KIF2A: variants seen among roughly 807,000 people sequenced by gnomAD.
The protein encoded by KIF2A is kinesin family member 2A.
KIF2A carries 22 observed loss-of-function variants against 100.2 expected under a neutral mutation model. The observed-to-expected ratio is 0.22, with a 90% confidence interval of 0.16 to 0.31. KIF2A has a LOEUF of 0.31. KIF2A is among the 10% of genes least tolerant of loss of function. The pLI is 1.00. For synonymous variants in KIF2A, 268 were observed against 285.9 expected (o/e 0.94, Z 0.63); for missense variants, 495 against 898.7 (o/e 0.55, Z 5.74).
chr5:62,321,885 T>A (rs1746107755), intron 1 of KIF2A, among the ~76,000 whole-genome samples: 1 of 152,246 alleles, frequency 6.6e-6, no homozygotes, highest in South Asian at 2.1e-4. Context: ...TGGAGAAAGA[T>A]CTGTTCAAAT....
rs762620321 is a variant in KIF2A, at chr5:62,352,567, A to AT, written c.335-9dup. 0.015 allele frequency: 16,176 copies of AT among 1,058,038 alleles called. 1 individual carries two copies. Among genetic ancestry groups the AT allele is most frequent in the South Asian group, 0.023 (1,244 of 54,206 alleles). 65.5% of individuals were successfully genotyped at this position (1,058,038 alleles called of 1,614,324 possible). A position where few individuals can be genotyped will look rare whatever the true frequency, so the allele number is the denominator to read the frequency against. On this transcript the variant is annotated intron_variant, in intron 4 of 20. Coordinates refer to ENST00000407818, the MANE Select transcript of KIF2A (RefSeq NM_001098511.3). The stretch of plus-strand genomic sequence containing the variant: ...ACTAATTTTCTATCCTGAATTTAAA[A>AT]TTTTTTTTTTTTACTTACAGTGGTT...
At chr5:62,368,977 T>C (rs114019167) in intron 16 of KIF2A, among the ~76,000 whole-genome samples, 137 of 152,310 alleles carry the variant, frequency 9.0e-4, no homozygotes, top group African/African-American at 3.1e-3. Flanking sequence ...AGAATAATTC[T>C]TGAGAAAGAT....
In KIF2A at chr5:62,386,745, G is replaced by T. The variant is rs1190892436; in HGVS notation, c.*1176G>T. Among the ~76,000 whole-genome samples, 1 of 152,146 alleles carries T rather than the reference G, an allele frequency of 6.6e-6. No individual in the cohort carries two copies. Among genetic ancestry groups the T allele is most frequent in the African/African-American group, 2.4e-5 (1 of 41,440 alleles). On this transcript the variant is annotated 3_prime_UTR_variant, in exon 21 of 21. Transcript: ENST00000407818. ...ACTTCATTGTTGTTTGGTGAGAATC[G>T]CCAAATTCTCACTAATACATTGGTA...
Position 62,388,004 on chromosome 5 carries a change from ACT to A in KIF2A, c.*2438_*2439del, listed in dbSNP as rs1485751145. The A allele has an allele frequency of 1.3e-5, 2 of 152,082 alleles. No individual in the cohort carries two copies. Among genetic ancestry groups the A allele is most frequent in the Non-Finnish European group, 2.9e-5 (2 of 68,000 alleles). The allele number at this position is 152,082 out of a possible 1,614,324, so 9.4% of individuals were successfully genotyped here. On this transcript the variant is annotated 3_prime_UTR_variant, in exon 21 of 21. Transcript: ENST00000407818. The stretch of plus-strand genomic sequence containing the variant: ...TTATAGAAACAAAATAGCTACTATA[ACT>A]CTATTATAGTATATTAACAGCACTT...
intron 1 of KIF2A, among the ~76,000 whole-genome samples, chr5:62,313,434 C>T (rs1245710402): frequency 6.6e-6 from 1 of 152,024 alleles, no homozygotes; most frequent in Non-Finnish European, 1.5e-5. Context: ...CTCACTGCAA[C>T]CTCTGCCTCT....
intron 1 of KIF2A, among the ~76,000 whole-genome samples, chr5:62,342,898 G>A (rs1192802066): frequency 7.2e-5 from 11 of 151,806 alleles, no homozygotes; most frequent in South Asian, 2.1e-4. Flanking sequence ...GATTACAGGC[G>A]CCCACCACCA....
intron 1 of KIF2A, among the ~76,000 whole-genome samples, chr5:62,336,316 T>C (rs1746943427): frequency 6.6e-6 from 1 of 152,212 alleles, no homozygotes; most frequent in South Asian, 2.1e-4. Context: ...TAAATGCCGC[T>C]GATTTGCTCC....
chr5:62,344,168 AC>A (rs1747434997), intron 1 of KIF2A, among the ~76,000 whole-genome samples: 1 of 152,032 alleles, frequency 6.6e-6, no homozygotes, highest in Non-Finnish European at 1.5e-5. Context: ...ACATGGTGAA[AC>A]CCTGTCTCTA....
chr5:62,346,060 A>ATAC (rs1354835187), intron 1 of KIF2A, among the ~76,000 whole-genome samples: 6 of 152,254 alleles, frequency 3.9e-5, no homozygotes, highest in African/African-American at 1.2e-4. Flanking sequence ...AATAATAATA[A>ATAC]TAAATGGCAC....
rs556512215 is a variant in KIF2A at position 62,328,688 on chromosome 5, T to C, written c.65-18442T>C. Among the ~76,000 whole-genome samples the C allele has an allele frequency of 5.3e-5, 8 of 151,974 alleles. No individual in the cohort carries two copies. The East Asian group carries it at 1.6e-3, about 30-fold the overall frequency. The stretch of plus-strand genomic sequence containing the variant: ...GTGTTTTTAGTAGAGACGGGGTTTC[T>C]CCATTTTGGGTCAGGGTGGTCTCAA... On this transcript the variant is annotated intron_variant, in intron 1 of 20. Coordinates refer to ENST00000407818, the MANE Select transcript of KIF2A (RefSeq NM_001098511.3).
At position 62,306,380 on chromosome 5, in the gene KIF2A, G is replaced by A. The variant is rs1235677990; in HGVS notation, c.-93G>A. ...CGGGCCGGCGCGGCCGCGGGCAACCGCTCCCCCTCCCACACCTACCCCGCC... is the reference window on the plus strand; with the variant it reads ...CGGGCCGGCGCGGCCGCGGGCAACCACTCCCCCTCCCACACCTACCCCGCC... On this transcript the variant is annotated 5_prime_UTR_variant, in exon 1 of 21. Coordinates refer to ENST00000407818, the MANE Select transcript of KIF2A (RefSeq NM_001098511.3). The A allele has an allele frequency of 7.2e-6, 7 of 976,100 alleles. No homozygotes were observed. In the African/African-American group the frequency reaches 8.5e-5, roughly 12 times the overall value. The allele number at this position is 976,100 out of a possible 1,614,324, so 60.5% of individuals were successfully genotyped here.
chr5:62,347,280 AAAAC>A, intron 2 of KIF2A, 56 bp downstream of exon 2: 2 of 900,644 alleles, frequency 2.2e-6, no homozygotes, highest in Non-Finnish European at 3.5e-6. Flanking sequence ...TTCTGAATAT[AAAAC>A]AAAACAGAAA....
chr5:62,368,014 T>C (rs548872479), intron 16 of KIF2A, among the ~76,000 whole-genome samples: 2 of 152,332 alleles, frequency 1.3e-5, no homozygotes, highest in South Asian at 2.1e-4. Context: ...TATTTTTTAA[T>C]CTTTTATTAA....
intron 1 of KIF2A, among the ~76,000 whole-genome samples, chr5:62,316,244 A>G (rs1745814508): frequency 1.3e-5 from 2 of 152,248 alleles, no homozygotes; most frequent in Admixed American, 1.3e-4. Flanking sequence ...ACTGAGCTGT[A>G]GTGTGTTAGC....
In KIF2A at chr5:62,390,315, C is replaced by T. The variant is rs1742244916; in HGVS notation, c.*4746C>T. 6.6e-6 allele frequency among the ~76,000 whole-genome samples: 1 copy of T among 152,172 alleles called. No individual in the cohort carries two copies. The highest frequency in any genetic ancestry group is 2.4e-5 in the African/African-American group (1 of 41,426). Reference sequence around the variant, plus strand: ...TAATTCAAGCAAAACAAATTTTGGTCTAAATTACCTAGATAATTATGACAG... The same window carrying T: ...TAATTCAAGCAAAACAAATTTTGGTTTAAATTACCTAGATAATTATGACAG... On this transcript the variant is annotated 3_prime_UTR_variant, in exon 21 of 21. Transcript: ENST00000407818.
intron 19 of KIF2A, among the ~76,000 whole-genome samples, chr5:62,379,222 T>G (rs2112001800): frequency 6.6e-6 from 1 of 152,350 alleles, no homozygotes; most frequent in Admixed American, 6.5e-5. Flanking sequence ...CAGCTGTTTA[T>G]TGGTAAAATT....
chr5:62,376,736 T>TTTTTG (rs772447857), intron 18 of KIF2A, among the ~76,000 whole-genome samples: 30 of 152,104 alleles, frequency 2.0e-4, no homozygotes, highest in South Asian at 4.2e-4. Context: ...TTTTTTTTGT[T>TTTTTG]TTTTGTTTTG....
In KIF2A at chr5:62,317,205, T is replaced by G. The variant is rs189478922; in HGVS notation, c.64+10669T>G. ...CTGGGATTACAGGCATGCGCCACCGTGCCCAGCTAATTTTGTATTTTTAGT... is the reference window on the plus strand; with the variant it reads ...CTGGGATTACAGGCATGCGCCACCGGGCCCAGCTAATTTTGTATTTTTAGT... On this transcript the variant is annotated intron_variant, in intron 1 of 20. Coordinates refer to ENST00000407818, the MANE Select transcript of KIF2A (RefSeq NM_001098511.3). 7.2e-5 allele frequency among the ~76,000 whole-genome samples: 11 copies of G among 152,234 alleles called. No homozygotes were observed. The East Asian group carries it at 2.1e-3, about 29-fold the overall frequency.
chr5:62,366,485 TGAGA>T lies in KIF2A; in HGVS notation c.1646+7_1646+10del. 6.6e-7 allele frequency: 1 copy of T among 1,510,536 alleles called. No homozygotes were observed. The highest frequency in any genetic ancestry group is 9.1e-7 in the Non-Finnish European group (1 of 1,098,102). The allele number at this position is 1,510,536 out of a possible 1,614,324, so 93.6% of individuals were successfully genotyped here. The stretch of plus-strand genomic sequence containing the variant: ...ATACATTAAGATATGCAAATAGGTA[TGAGA>T]GATAGTTCTCCATTTTGAAATTTGA... On this transcript the variant is annotated splice_donor_5th_base_variant and intron_variant, in intron 16 of 20. Transcript: ENST00000407818.
Sources: gnomAD v4.1 joint callset for allele counts (sites outside exome capture counted in the v4.1 genomes callset) on GRCh38, gnomAD v4.1.1 for gene constraint, MANE v1.5 for transcripts, NCBI Gene and HGNC (gene_info 2026-07-23, HGNC 2026-07-21) for gene names.